Variants in FER1L6 observed in about 807,000 individuals in gnomAD.
FER1L6 encodes fer-1-like protein 6.
Under a neutral mutation model 219.2 loss-of-function variants are expected in FER1L6, and 177 were observed. That is an observed-to-expected ratio of 0.81 (90% confidence interval 0.71 to 0.91). The LOEUF (loss-of-function observed/expected upper bound fraction) is 0.91, where lower values mean the gene tolerates loss of function less well. Ranked by LOEUF, FER1L6 falls within the 40% of genes least tolerant of loss-of-function variation. FER1L6 has a pLI of 0.00. For missense variants in FER1L6, 2,153 were observed against 2,259.9 expected (o/e 0.95, Z 0.96); for synonymous variants, 768 against 824.3 (o/e 0.93, Z 1.17).
intron 28 of FER1L6, among the ~76,000 whole-genome samples, chr8:124,068,238 A>G (rs7013226): frequency 0.84 from 127,900 of 152,138 alleles, 53,874 homozygotes; most frequent in Non-Finnish European, 0.86. Flanking sequence ...GCCAACAGTA[A>G]GTCTCAGCCT....
intron 1 of FER1L6, among the ~76,000 whole-genome samples, chr8:123,912,243 CTG>C (rs1813058570): frequency 6.6e-6 from 1 of 151,362 alleles, no homozygotes; most frequent in South Asian, 2.1e-4. Flanking sequence ...GATGAAGAAA[CTG>C]AGACCCAGGG....
chr8:124,108,496 C>G (rs936382498), intron 39 of FER1L6, among the ~76,000 whole-genome samples: 2 of 152,182 alleles, frequency 1.3e-5, no homozygotes, highest in Non-Finnish European at 2.9e-5. Context: ...CTTCTGGGCC[C>G]CAGGATGAGG....
intron 33 of FER1L6, among the ~76,000 whole-genome samples, chr8:124,090,748 A>G (rs1821995673): frequency 6.6e-6 from 1 of 152,208 alleles, no homozygotes; most frequent in African/African-American, 2.4e-5. Context: ...TAAGGAAAGA[A>G]TAGGTTGGGG....
intron 11 of FER1L6, among the ~76,000 whole-genome samples, chr8:123,982,787 C>T (rs980533496): frequency 2.0e-5 from 3 of 152,262 alleles, no homozygotes; most frequent in Admixed American, 2.0e-4. Flanking sequence ...GAAGATGGCT[C>T]CTCACATGGC....
intron 19 of FER1L6, among the ~76,000 whole-genome samples, chr8:124,039,019 T>C (rs1368829861): frequency 1.3e-5 from 2 of 152,228 alleles, no homozygotes; most frequent in Non-Finnish European, 2.9e-5. Context: ...AGGACTGTGA[T>C]GAACTCAACT....
chr8:124,108,362 C>T (rs1214055537), intron 39 of FER1L6, among the ~76,000 whole-genome samples: 2 of 152,006 alleles, frequency 1.3e-5, no homozygotes, highest in Admixed American at 1.3e-4. Context: ...CATGAGCTGT[C>T]GTAACCCTGA....
chr8:123,980,292 A>G (rs1402638609), intron 10 of FER1L6, among the ~76,000 whole-genome samples, 173 bp from the exon 11 acceptor site: 1 of 152,210 alleles, frequency 6.6e-6, no homozygotes, highest in Non-Finnish European at 1.5e-5. Context: ...ACATGAATGC[A>G]AAAAAGACTA....
chr8:123,918,708 G>A (rs539635235), intron 1 of FER1L6, among the ~76,000 whole-genome samples: 2 of 151,782 alleles, frequency 1.3e-5, no homozygotes, highest in East Asian at 1.9e-4. Context: ...TGGCAGGGGC[G>A]GGGGGGTGGT....
chr8:123,977,888 A>G (rs1199528027), intron 10 of FER1L6, among the ~76,000 whole-genome samples: 1 of 152,114 alleles, frequency 6.6e-6, no homozygotes, highest in Admixed American at 6.6e-5. Flanking sequence ...ATGAGAATCT[A>G]TTGCCACCGC....
At position 123,861,215 on chromosome 8, in the gene FER1L6, C is replaced by G. The variant is rs1021698846; in HGVS notation, c.-8+9030C>G. Reference sequence around the variant, plus strand: ...TTCTACGTATGGCTAGCCAGTTTTCCCAGCACCATTTATTAAATAGGGAAT... The same window carrying G: ...TTCTACGTATGGCTAGCCAGTTTTCGCAGCACCATTTATTAAATAGGGAAT... On this transcript the variant is annotated intron_variant, in intron 1 of 40. Transcript: ENST00000522917. Among the ~76,000 whole-genome samples the G allele has an allele frequency of 2.4e-5, 3 of 125,634 alleles. No homozygotes were observed. In the East Asian group the frequency reaches 6.8e-4, roughly 28 times the overall value. 82.4% of individuals were successfully genotyped at this position (125,634 alleles called of 152,430 possible). A position where few individuals can be genotyped will look rare whatever the true frequency, so the allele number is the denominator to read the frequency against.
chr8:123,907,404 C>A (rs902607333), intron 1 of FER1L6, among the ~76,000 whole-genome samples: 2 of 152,052 alleles, frequency 1.3e-5, no homozygotes, highest in African/African-American at 4.8e-5. Context: ...GCCATGCTTC[C>A]TTATTGATAG....
At position 124,101,266 on chromosome 8, in the gene FER1L6, G is replaced by A. The variant is rs764510393; in HGVS notation, c.5053G>A (p.Glu1685Lys). 3.7e-6 allele frequency: 6 copies of A among 1,613,484 alleles called. No homozygotes were observed. The highest frequency in any genetic ancestry group is 1.3e-5 in the African/African-American group (1 of 74,870). The change falls in exon 38 of 41, where the codon GAG becomes AAG. Residue 1685 changes from glutamate to lysine, a missense_variant. By Grantham distance (56) the Glu-to-Lys change is moderately conservative. Coordinates refer to ENST00000522917, the MANE Select transcript of FER1L6 (RefSeq NM_001039112.2). Reference protein sequence around the residue: ...RENIFSLEKMECKTPAVLVLQ... With the variant: ...RENIFSLEKMKCKTPAVLVLQ... ...GAACATCTTCTCTTTAGAGAAGATG[G>A]AGTGTAAGACTCCTGCTGTGTTGGT...
intron 39 of FER1L6, among the ~76,000 whole-genome samples, chr8:124,112,589 C>G (rs945926828): frequency 1.3e-5 from 2 of 152,074 alleles, no homozygotes; most frequent in Non-Finnish European, 2.9e-5. Context: ...GTTAATCCCA[C>G]AAATGGACAG....
At chr8:124,013,684 T>C (rs1025418113) in intron 15 of FER1L6, 153 bp downstream of exon 15, 2 of 471,132 alleles carry the variant, frequency 4.2e-6, no homozygotes, top group Non-Finnish European at 7.6e-6. Flanking sequence ...TCACTCGTGC[T>C]TGTGGACTAA....
At position 124,071,548 on chromosome 8, in the gene FER1L6, G is replaced by C. The variant is rs1345877284; in HGVS notation, c.4009G>C (p.Glu1337Gln). 1 of 1,613,978 alleles carries C rather than the reference G, an allele frequency of 6.2e-7. No individual in the cohort carries two copies. The highest frequency in any genetic ancestry group is 8.5e-7 in the Non-Finnish European group (1 of 1,180,000). Residue 1337 changes from glutamate to glutamine, a missense_variant, in exon 31 of 41, where the codon GAG becomes CAG. By Grantham distance (29) the Glu-to-Gln change is conservative (BLOSUM62 2). Coordinates refer to ENST00000522917, the MANE Select transcript of FER1L6 (RefSeq NM_001039112.2). ...IYKSPQDSSS[E>Q]DSGQLRIQQG... ...CAAAAGCCCCCAGGATTCTAGCTCT[G>C]AGGACAGCGGGCAGCTGAGAATCCA...
At chr8:124,091,830 G>A (rs1183910821) in intron 34 of FER1L6, among the ~76,000 whole-genome samples, 1 of 151,902 alleles carries the variant, frequency 6.6e-6, no homozygotes, top group Non-Finnish European at 1.5e-5. Context: ...AGCCATGCGT[G>A]GTGGCAGATG....
intron 1 of FER1L6, among the ~76,000 whole-genome samples, chr8:123,935,771 T>C (rs1393602332): frequency 6.6e-6 from 1 of 152,158 alleles, no homozygotes; most frequent in East Asian, 1.9e-4. Context: ...ATTTTTACTC[T>C]GCTTCATGAG....
chr8:124,015,047 A>G (rs1207500691), intron 15 of FER1L6, among the ~76,000 whole-genome samples: 5 of 152,188 alleles, frequency 3.3e-5, no homozygotes, highest in Non-Finnish European at 2.9e-5. Context: ...GGCCACCCTC[A>G]ATGCCTTGCC....
chr8:124,044,092 C>A lies in FER1L6; in HGVS notation c.2590-1675C>A, dbSNP rs556283334. 1.2e-4 allele frequency among the ~76,000 whole-genome samples: 19 copies of A among 152,142 alleles called. No individual in the cohort carries two copies. The East Asian group carries it at 3.7e-3, about 29-fold the overall frequency. ...TACAGCCCAGTGCCAAAGAAGATAC[C>A]GAAATATTTCTATAGGAAAGATGCT... On this transcript the variant is annotated intron_variant, in intron 20 of 40. Transcript: ENST00000522917.
Sources: allele counts gnomAD v4.1 joint callset (sites outside exome capture counted in the v4.1 genomes callset), GRCh38; gene constraint gnomAD v4.1.1; transcripts MANE v1.5; gene names NCBI Gene and HGNC (gene_info 2026-07-23, HGNC 2026-07-21).